CDKAL1: variants seen among roughly 807,000 people sequenced by gnomAD.
The protein encoded by CDKAL1 is threonylcarbamoyladenosine tRNA methylthiotransferase.
Under a neutral mutation model 68.2 loss-of-function variants are expected in CDKAL1, and 32 were observed. The ratio of observed to expected loss-of-function variants is 0.47; its 90% CI spans 0.35 to 0.63. The LOEUF is 0.63. Among genes scored for constraint, CDKAL1 ranks in the 30% least tolerant of loss-of-function variants. CDKAL1 has a pLI of 0.00. For missense variants in CDKAL1, 606 were observed against 696.7 expected, an observed-to-expected ratio of 0.87 and a Z score of 1.47; for synonymous variants, 234 against 244.3, an observed-to-expected ratio of 0.96 and a Z score of 0.39.
chr6:20,629,773 G>A (rs962846037), intron 4 of CDKAL1, among the ~76,000 whole-genome samples: 2 of 151,860 alleles, frequency 1.3e-5, no homozygotes, highest in African/African-American at 4.8e-5. Context: ...GCCCCCTGTA[G>A]AGATGCCCCA....
chr6:21,046,554 A>C (rs916984481), intron 11 of CDKAL1, among the ~76,000 whole-genome samples: 8 of 152,250 alleles, frequency 5.3e-5, no homozygotes, highest in Non-Finnish European at 1.2e-4. Flanking sequence ...GCTGTGAAGC[A>C]GCCGCAGCTG....
At chr6:20,989,332 A>G (rs1384288847) in intron 10 of CDKAL1, among the ~76,000 whole-genome samples, 3 of 152,176 alleles carry the variant, frequency 2.0e-5, no homozygotes, top group Non-Finnish European at 4.4e-5. Flanking sequence ...GATGTTTAGT[A>G]AGTATTTGCT....
At chr6:21,042,953 A>T (rs536163260) in intron 11 of CDKAL1, among the ~76,000 whole-genome samples, 2 of 152,348 alleles carry the variant, frequency 1.3e-5, no homozygotes, top group South Asian at 2.1e-4. Context: ...AAAAACAGAC[A>T]TAGAGATAGT....
chr6:20,883,737 G>T lies in CDKAL1; in HGVS notation c.742+37559G>T, dbSNP rs112549840. 3.3e-3 allele frequency among the ~76,000 whole-genome samples: 503 copies of T among 152,164 alleles called. 5 individuals carry two copies. Among genetic ancestry groups the T allele is most frequent in the African/African-American group, 0.012 (478 of 41,498 alleles). ...ATATTATCATAGAATCTAGGTGGTA[G>T]GTATATGGAGTTCACTGTAAAATTA... On this transcript the variant is annotated intron_variant, in intron 9 of 15. Transcript: ENST00000274695.
intron 4 of CDKAL1, among the ~76,000 whole-genome samples, chr6:20,633,764 C>T (rs1581861795): frequency 6.6e-6 from 1 of 152,214 alleles, no homozygotes; most frequent in Admixed American, 6.5e-5. Context: ...ATTTGTATTT[C>T]CCCAATGGCT....
intron 8 of CDKAL1, among the ~76,000 whole-genome samples, chr6:20,786,494 C>CTTTTTTTTTTTTT (rs1197574844): frequency 3.7e-5 from 3 of 80,774 alleles, no homozygotes; most frequent in African/African-American, 1.5e-4. Flanking sequence ...TTTTTCTTAT[C>CTTTTTTTTTTTTT]TTTTTTTTTT....
chr6:20,779,936 C>T (rs920823420), intron 7 of CDKAL1, among the ~76,000 whole-genome samples: 1 of 151,396 alleles, frequency 6.6e-6, no homozygotes, highest in Non-Finnish European at 1.5e-5. Flanking sequence ...ATGGGATATA[C>T]CTCAGTAAAG....
intron 13 of CDKAL1, among the ~76,000 whole-genome samples, chr6:21,166,757 T>A (rs894993903): frequency 6.6e-6 from 1 of 151,908 alleles, no homozygotes; most frequent in African/African-American, 2.4e-5. Flanking sequence ...ATTTGGGATT[T>A]AAAAAAAAGC....
chr6:20,995,555 A>G (rs1486183839), intron 10 of CDKAL1, among the ~76,000 whole-genome samples: 3 of 152,170 alleles, frequency 2.0e-5, no homozygotes, highest in Non-Finnish European at 4.4e-5. Context: ...CATGAGCAGT[A>G]ATATTTTGAA....
intron 13 of CDKAL1, among the ~76,000 whole-genome samples, chr6:21,185,878 A>G (rs1424559054): frequency 3.3e-5 from 5 of 152,182 alleles, no homozygotes. Context: ...TATAAACTGC[A>G]TATCAGGACT....
intron 9 of CDKAL1, among the ~76,000 whole-genome samples, chr6:20,884,064 CA>C (rs1436826139): frequency 6.6e-6 from 1 of 151,972 alleles, no homozygotes. Context: ...AATATAGATG[CA>C]AAAATATTAA....
At chr6:21,202,428 A>T (rs1188495332) in intron 15 of CDKAL1, among the ~76,000 whole-genome samples, 1 of 152,108 alleles carries the variant, frequency 6.6e-6, no homozygotes, top group Non-Finnish European at 1.5e-5. Context: ...GGGGGATAGT[A>T]TGGGTGGCCA....
intron 12 of CDKAL1, among the ~76,000 whole-genome samples, chr6:21,102,520 C>A (rs1186722357): frequency 6.6e-6 from 1 of 152,182 alleles, no homozygotes; most frequent in Non-Finnish European, 1.5e-5. Flanking sequence ...CTCTGCGTGA[C>A]TCTCCCAGTT....
At chr6:21,200,898 C>A in intron 14 of CDKAL1, 1 of 402,430 alleles carries the variant, frequency 2.5e-6, no homozygotes, top group Non-Finnish European at 4.4e-6. Flanking sequence ...ATTAGGTATG[C>A]CTTCGGTTAA....
At chr6:21,003,851 A>G (rs1001871845) in intron 11 of CDKAL1, among the ~76,000 whole-genome samples, 12 of 152,312 alleles carry the variant, frequency 7.9e-5, no homozygotes, top group African/African-American at 2.9e-4. Context: ...ACGCTCATTC[A>G]TAAAATGATC....
chr6:21,087,589 T>G (rs994529251), intron 12 of CDKAL1, among the ~76,000 whole-genome samples: 3 of 152,198 alleles, frequency 2.0e-5, no homozygotes, highest in Admixed American at 2.0e-4. Context: ...AGTCCTCAGC[T>G]GATCCTCCAA....
At chr6:20,840,463 T>C (rs1443753787) in intron 8 of CDKAL1, among the ~76,000 whole-genome samples, 1 of 152,214 alleles carries the variant, frequency 6.6e-6, no homozygotes, top group Non-Finnish European at 1.5e-5. Flanking sequence ...GCTGCAATTG[T>C]GTTTCAATTT....
chr6:20,612,580 T>C (rs917899383), intron 4 of CDKAL1, among the ~76,000 whole-genome samples: 3 of 152,174 alleles, frequency 2.0e-5, no homozygotes, highest in African/African-American at 7.2e-5. Flanking sequence ...TCACATACTT[T>C]GCCTGTTTCT....
At chr6:21,097,081 C>T (rs1773353469) in intron 12 of CDKAL1, among the ~76,000 whole-genome samples, 1 of 152,152 alleles carries the variant, frequency 6.6e-6, no homozygotes. Flanking sequence ...TTTGCTTTAT[C>T]AAACAGTTTA....
Sources: gnomAD v4.1 joint callset for allele counts (sites outside exome capture counted in the v4.1 genomes callset) on GRCh38, gnomAD v4.1.1 for gene constraint, MANE v1.5 for transcripts, NCBI Gene and HGNC (gene_info 2026-07-23, HGNC 2026-07-21) for gene names.